The following THSD7A variants were observed in gnomAD, a reference collection of about 807,000 sequenced individuals.
THSD7A encodes thrombospondin type 1 domain containing 7A, also known as thrombospondin type-1 domain-containing protein 7A.
A neutral mutation model predicts 231.3 loss-of-function variants in THSD7A; 96 were observed. The ratio of observed to expected loss-of-function variants is 0.41; its 90% confidence interval spans 0.35 to 0.49. The LOEUF (loss-of-function observed/expected upper bound fraction) is 0.49, where lower values mean the gene tolerates loss of function less well. Among genes scored for constraint, THSD7A ranks in the 20% least tolerant of loss-of-function variants. The pLI is 0.05. For synonymous variants in THSD7A, 940 were observed against 743.3 expected (o/e 1.26, Z -4.30); for missense variants, 2,290 against 2,070.2 (o/e 1.11, Z -2.06).
At chr7:11,733,485 T>C (rs541260207) in intron 1 of THSD7A, among the ~76,000 whole-genome samples, 1 of 152,062 alleles carries the variant, frequency 6.6e-6, no homozygotes, top group South Asian at 2.1e-4. Context: ...TGGATAACTT[T>C]ATCTGATCCT....
intron 1 of THSD7A, among the ~76,000 whole-genome samples, chr7:11,734,592 T>C (rs1781844246): frequency 6.6e-6 from 1 of 151,952 alleles, no homozygotes; most frequent in African/African-American, 2.4e-5. Flanking sequence ...TGACATGTCG[T>C]ATCTCGCTCT....
chr7:11,526,159 T>C (rs1788465787), intron 6 of THSD7A, among the ~76,000 whole-genome samples: 1 of 152,190 alleles, frequency 6.6e-6, no homozygotes, highest in South Asian at 2.1e-4. Flanking sequence ...ACCAATTCTC[T>C]CATGATCTGG....
chr7:11,692,624 C>T (rs1164522301), intron 1 of THSD7A, among the ~76,000 whole-genome samples: 2 of 151,474 alleles, frequency 1.3e-5, no homozygotes, highest in South Asian at 2.1e-4. Flanking sequence ...TTATTTTCTT[C>T]CTAAATCTTC....
chr7:11,414,787 C>T (rs1783904551), intron 17 of THSD7A, among the ~76,000 whole-genome samples: 1 of 152,214 alleles, frequency 6.6e-6, no homozygotes, highest in Non-Finnish European at 1.5e-5. Flanking sequence ...TTTGGTCACA[C>T]TGGAATAACA....
chr7:11,516,982 C>G (rs1788056184), intron 6 of THSD7A, among the ~76,000 whole-genome samples: 2 of 152,108 alleles, frequency 1.3e-5, no homozygotes, highest in African/African-American at 4.8e-5. Context: ...TAGTATTTTT[C>G]CTATCAAAAT....
At chr7:11,810,484 T>C (rs1461426568) in intron 1 of THSD7A, among the ~76,000 whole-genome samples, 1 of 152,130 alleles carries the variant, frequency 6.6e-6, no homozygotes, top group Non-Finnish European at 1.5e-5. Context: ...TACATGTCTA[T>C]ACTTCCCCAT....
At chr7:11,664,956 G>A (rs6970002) in intron 1 of THSD7A, among the ~76,000 whole-genome samples, 80,720 of 151,718 alleles carry the variant, frequency 0.53, 21,617 homozygotes, top group African/African-American at 0.58. Context: ...GGAAAGGGTG[G>A]CTTAGGTATT....
chr7:11,674,488 T>C (rs1259142987), intron 1 of THSD7A, among the ~76,000 whole-genome samples: 1 of 152,084 alleles, frequency 6.6e-6, no homozygotes, highest in Non-Finnish European at 1.5e-5. Context: ...CTAGTAGAAT[T>C]CATCCTGAAT....
chr7:11,568,802 G>A (rs1364331998), intron 4 of THSD7A, among the ~76,000 whole-genome samples: 1 of 151,666 alleles, frequency 6.6e-6, no homozygotes, highest in Non-Finnish European at 1.5e-5. Flanking sequence ...TTTTCAGATG[G>A]CATGATTGTA....
chr7:11,705,790 G>A (rs1259022028), intron 1 of THSD7A, among the ~76,000 whole-genome samples: 3 of 150,898 alleles, frequency 2.0e-5, no homozygotes, highest in Non-Finnish European at 4.5e-5. Flanking sequence ...ATTAGAGATT[G>A]CCAAAATCTT....
At position 11,636,054 on chromosome 7, in the gene THSD7A, G is replaced by T; in HGVS notation, c.1022+76C>A. The T allele has an allele frequency of 7.5e-7, 1 of 1,329,322 alleles. No individual in the cohort carries two copies. The highest frequency in any genetic ancestry group is 1.0e-6 in the Non-Finnish European group (1 of 960,508). 82.3% of individuals were successfully genotyped at this position (1,329,322 alleles called of 1,614,324 possible). A position where few individuals can be genotyped will look rare whatever the true frequency, so the allele number is the denominator to read the frequency against. On this transcript the variant is annotated intron_variant, in intron 2 of 27. Coordinates refer to ENST00000423059, the MANE Select transcript of THSD7A (RefSeq NM_015204.3). The surrounding 1 kb of genome is among the most constrained non-coding windows in gnomAD (Gnocchi z 10.0). ...CCCCTACGTAATCCAGAAGTTATTAGATAGTACCGGATATCTTAGGTACTC... is the reference window on the plus strand; with the variant it reads ...CCCCTACGTAATCCAGAAGTTATTATATAGTACCGGATATCTTAGGTACTC...
At chr7:11,503,398 T>C (rs138618289) in intron 6 of THSD7A, among the ~76,000 whole-genome samples, 1 of 152,236 alleles carries the variant, frequency 6.6e-6, no homozygotes, top group African/African-American at 2.4e-5. Context: ...GACACAGGAA[T>C]GGGCAAAGAT....
Position 11,446,471 on chromosome 7 carries a change from T to C in THSD7A, c.2801-147A>G. 2.1e-6 allele frequency: 2 copies of C among 964,886 alleles called. No individual in the cohort carries two copies. The highest frequency in any genetic ancestry group is 3.1e-6 in the Non-Finnish European group (2 of 652,210). 59.8% of individuals were successfully genotyped at this position (964,886 alleles called of 1,614,324 possible). On this transcript the variant is annotated intron_variant, in intron 12 of 27. Coordinates refer to ENST00000423059, the MANE Select transcript of THSD7A (RefSeq NM_015204.3). The surrounding 1 kb of genome is among the most constrained non-coding windows in gnomAD (Gnocchi z 4.0). ...CCTATAAATCAATGCTATTTTCTCA[T>C]TCCACAGTGTTTTCTACATAGGCTC... is the stretch of plus-strand genomic sequence containing the variant.
rs114783416 is a variant in THSD7A, at chr7:11,759,620, G to A, written c.190+72137C>T. Among the ~76,000 whole-genome samples, 1,519 of 151,986 alleles carry A rather than the reference G, an allele frequency of 1.0e-2. 19 individuals carry two copies. Among genetic ancestry groups the A allele is most frequent in the African/African-American group, 0.034 (1,413 of 41,464 alleles). On this transcript the variant is annotated intron_variant, in intron 1 of 27. Transcript: ENST00000423059. ...AGTTCTCATATTCAGAAAGCCAAGC[G>A]AATTTCTAGAGAGGTGTATACACAT...
intron 4 of THSD7A, among the ~76,000 whole-genome samples, chr7:11,544,094 A>C (rs1789269164): frequency 6.6e-6 from 1 of 152,174 alleles, no homozygotes; most frequent in Non-Finnish European, 1.5e-5. Flanking sequence ...CTGTAATCCC[A>C]GCATTTTGGG....
At chr7:11,639,027 G>A (rs545919231) in intron 1 of THSD7A, among the ~76,000 whole-genome samples, 52 of 152,092 alleles carry the variant, frequency 3.4e-4, no homozygotes, top group South Asian at 4.1e-4. Context: ...CACTGTGCTT[G>A]AACAAAACAG....
chr7:11,816,322 G>A (rs532531699), intron 1 of THSD7A, among the ~76,000 whole-genome samples: 5 of 152,214 alleles, frequency 3.3e-5, no homozygotes, highest in Non-Finnish European at 5.9e-5. Flanking sequence ...CCCTAAAATC[G>A]TTATGCAATG....
At chr7:11,543,747 A>G (rs1314181959) in intron 4 of THSD7A, among the ~76,000 whole-genome samples, 1 of 152,262 alleles carries the variant, frequency 6.6e-6, no homozygotes, top group Non-Finnish European at 1.5e-5. Context: ...ATGCTAATTT[A>G]TAATTATCTA....
intron 6 of THSD7A, 111 bp from the exon 7 acceptor site, chr7:11,482,093 T>G: frequency 8.1e-7 from 1 of 1,241,068 alleles, no homozygotes; most frequent in Non-Finnish European, 1.1e-6. Context: ...TTGCTCTTAC[T>G]TAAAAAAACG....
Sources: allele counts gnomAD v4.1 joint callset (sites outside exome capture counted in the v4.1 genomes callset), GRCh38; gene constraint gnomAD v4.1.1; non-coding constraint Gnocchi (gnomAD v3.1); transcripts MANE v1.5; gene names NCBI Gene and HGNC (gene_info 2026-07-23, HGNC 2026-07-21).